Variants in ETV1 observed in about 807,000 individuals in gnomAD.
The protein encoded by ETV1 is ETS variant transcription factor 1.
In ETV1, 27 loss-of-function variants were observed where a neutral mutation model predicts 62.3. That is an observed-to-expected ratio of 0.43 (90% confidence interval 0.32 to 0.60). The LOEUF (loss-of-function observed/expected upper bound fraction) is 0.60. Ranked by LOEUF, ETV1 falls within the 20% of genes least tolerant of loss-of-function variation. ETV1 has a pLI of 0.06. For synonymous variants in ETV1, 222 were observed against 199.6 expected (o/e 1.11, Z -0.94); for missense variants, 605 against 605.8 (o/e 1.00, Z 0.01).
rs1781475572 is a variant in ETV1 at position 13,892,909 on chromosome 7, T to C, written c.*2957A>G. 8.6e-6 allele frequency: 2 copies of C among 231,976 alleles called. No homozygotes were observed. Among genetic ancestry groups the C allele is most frequent in the East Asian group, 6.1e-5 (1 of 16,384 alleles). The allele number at this position is 231,976 out of a possible 1,614,324, so 14.4% of individuals were successfully genotyped here. ...TCTCTTAAGGCTTCTTTTGAACTTC[T>C]GCCTCCAGAACTATAAGATAAATTT... is the stretch of plus-strand genomic sequence containing the variant. On this transcript the variant is annotated 3_prime_UTR_variant, in exon 14 of 14. Coordinates refer to ENST00000430479, the MANE Select transcript of ETV1 (RefSeq NM_004956.5).
At chr7:13,931,875 A>G in intron 8 of ETV1, 126 bp from the exon 9 acceptor site, 1 of 1,130,334 alleles carries the variant, frequency 8.8e-7, no homozygotes, top group East Asian at 2.5e-5. Context: ...TAAATCTTTA[A>G]CAAGCATTAC....
chr7:13,924,924 T>C (rs1785234260), intron 9 of ETV1, among the ~76,000 whole-genome samples: 1 of 149,368 alleles, frequency 6.7e-6, no homozygotes, highest in Non-Finnish European at 1.5e-5. Flanking sequence ...CGAACAACAT[T>C]TGCTGTCAAA....
At chr7:13,970,075 T>A (rs1446942810) in intron 6 of ETV1, among the ~76,000 whole-genome samples, 4 of 150,966 alleles carry the variant, frequency 2.6e-5, no homozygotes, top group Non-Finnish European at 2.9e-5. Context: ...GCTAACACAG[T>A]GAAACCCCGT....
chr7:13,971,941 G>A (rs1006290487), intron 6 of ETV1, among the ~76,000 whole-genome samples: 5 of 151,802 alleles, frequency 3.3e-5, no homozygotes, highest in South Asian at 2.1e-4. Context: ...GTGAAACTCC[G>A]TCTCCACTAA....
intron 6 of ETV1, among the ~76,000 whole-genome samples, chr7:13,956,653 G>T (rs1240476019): frequency 6.6e-6 from 1 of 152,172 alleles, no homozygotes; most frequent in Non-Finnish European, 1.5e-5. Context: ...TCTCAGCATG[G>T]AAGCAATAAT....
At chr7:13,914,882 T>A (rs538075060) in intron 9 of ETV1, among the ~76,000 whole-genome samples, 1 of 152,290 alleles carries the variant, frequency 6.6e-6, no homozygotes, top group South Asian at 2.1e-4. Flanking sequence ...AGAGAAAAGA[T>A]TTGCCACAGT....
intron 6 of ETV1, among the ~76,000 whole-genome samples, chr7:13,943,400 C>A (rs556643268): frequency 6.6e-4 from 100 of 152,222 alleles, no homozygotes; most frequent in African/African-American, 2.3e-3. Context: ...GCAATGGGAA[C>A]TTTTATACAA....
rs374017410 is a variant in ETV1, at chr7:13,931,542, C to G, written c.762G>C (p.Leu254=). ...SAASQSFPPP[L]MIKQEPRDFA... is the part of the protein sequence containing the mutation. ...AATCTCTGGGTTCCTGTTTAATCATCAGAGGAGGGGGAAAGCTTTGGCTGG... is the reference window on the plus strand; with the variant it reads ...AATCTCTGGGTTCCTGTTTAATCATGAGAGGAGGGGGAAAGCTTTGGCTGG... The change falls in exon 9 of 14, where the codon CTG becomes CTC. Residue 254 remains leucine (L), a synonymous_variant. Coordinates refer to ENST00000430479, the MANE Select transcript of ETV1 (RefSeq NM_004956.5). The G allele has an allele frequency of 3.7e-6, 6 of 1,613,924 alleles. No individual in the cohort carries two copies. In the African/African-American group the frequency reaches 8.0e-5, roughly 22 times the overall value.
intron 12 of ETV1, among the ~76,000 whole-genome samples, chr7:13,904,439 A>C (rs1370385054): frequency 6.6e-6 from 1 of 152,192 alleles, no homozygotes; most frequent in African/African-American, 2.4e-5. Context: ...GAATTTGATG[A>C]AACTTAATGG....
intron 9 of ETV1, among the ~76,000 whole-genome samples, chr7:13,929,385 C>A (rs538253732): frequency 6.6e-6 from 1 of 152,150 alleles, no homozygotes; most frequent in Non-Finnish European, 1.5e-5. Flanking sequence ...AATAAGGTGT[C>A]TTCTCATCTT....
At chr7:13,979,049 TCATATTGCTC>T (rs1388336854) in intron 5 of ETV1, among the ~76,000 whole-genome samples, 1 of 152,112 alleles carries the variant, frequency 6.6e-6, no homozygotes, top group African/African-American at 2.4e-5. Context: ...TTTTTTCTCT[TCATATTGCTC>T]CAATATCTGA....
At chr7:13,981,045 A>T (rs1451882268) in intron 5 of ETV1, among the ~76,000 whole-genome samples, 2 of 152,110 alleles carry the variant, frequency 1.3e-5, no homozygotes, top group East Asian at 3.8e-4. Context: ...GGTTGGCTGC[A>T]GGGAAGCGAA....
At chr7:13,923,802 G>T (rs1785116136) in intron 9 of ETV1, among the ~76,000 whole-genome samples, 2 of 152,106 alleles carry the variant, frequency 1.3e-5, no homozygotes, top group African/African-American at 4.8e-5. Context: ...GGAGGCTGAG[G>T]CGGGCGGATC....
At chr7:13,925,590 G>A (rs919179981) in intron 9 of ETV1, among the ~76,000 whole-genome samples, 4 of 148,306 alleles carry the variant, frequency 2.7e-5, no homozygotes, top group Non-Finnish European at 3.0e-5. Flanking sequence ...TTTTGAGACA[G>A]AGTCTCGCTC....
At chr7:13,940,464 A>T (rs1394703079) in intron 6 of ETV1, among the ~76,000 whole-genome samples, 2 of 152,152 alleles carry the variant, frequency 1.3e-5, no homozygotes, top group African/African-American at 4.8e-5. Context: ...TTATCAGAAT[A>T]ATTAAATTTT....
chr7:13,896,291 T>C (rs1358802466), intron 13 of ETV1, among the ~76,000 whole-genome samples: 1 of 152,040 alleles, frequency 6.6e-6, no homozygotes, highest in Non-Finnish European at 1.5e-5. Flanking sequence ...TCAAGGGAGA[T>C]GCAAAATGTT....
intron 6 of ETV1, 141 bp from the exon 7 acceptor site, chr7:13,939,387 T>C (rs1787212622): frequency 6.0e-6 from 4 of 665,026 alleles, no homozygotes; most frequent in Non-Finnish European, 7.2e-6. Context: ...GTTTGATGAA[T>C]TTCAGTAGCA....
chr7:13,924,924 T>G (rs1785234260), intron 9 of ETV1, among the ~76,000 whole-genome samples: 1 of 149,368 alleles, frequency 6.7e-6, no homozygotes, highest in Non-Finnish European at 1.5e-5. Flanking sequence ...CGAACAACAT[T>G]TGCTGTCAAA....
intron 6 of ETV1, among the ~76,000 whole-genome samples, chr7:13,959,475 T>C (rs920312283): frequency 6.6e-6 from 1 of 152,206 alleles, no homozygotes; most frequent in African/African-American, 2.4e-5. Context: ...ATAAGAATTA[T>C]ATCCCATATA....
Sources: allele counts gnomAD v4.1 joint callset (sites outside exome capture counted in the v4.1 genomes callset), GRCh38; gene constraint gnomAD v4.1.1; transcripts MANE v1.5; gene names NCBI Gene and HGNC (gene_info 2026-07-23, HGNC 2026-07-21).